SEMA3C: variants seen among roughly 807,000 people sequenced by gnomAD.
SEMA3C encodes semaphorin-3C.
SEMA3C carries 47 observed loss-of-function variants against 89.4 expected under a neutral mutation model. That is an observed-to-expected ratio of 0.53 (90% CI 0.42 to 0.67). The LOEUF is 0.67. Ranked by LOEUF, SEMA3C falls within the 30% of genes least tolerant of loss-of-function variation. The pLI, the probability that SEMA3C is intolerant of heterozygous loss-of-function variation, is 0.00. For missense variants in SEMA3C, 839 were observed against 929.1 expected (o/e 0.90, Z 1.26); for synonymous variants, 310 against 320.2 (o/e 0.97, Z 0.34).
intron 4 of SEMA3C, among the ~76,000 whole-genome samples, chr7:80,821,249 A>G (rs994656806): frequency 3.9e-5 from 6 of 152,220 alleles, no homozygotes; most frequent in Non-Finnish European, 4.4e-5. Flanking sequence ...GGTTTTTACC[A>G]TAACTCAGTC....
chr7:80,865,872 G>C (rs1350929391), intron 2 of SEMA3C, among the ~76,000 whole-genome samples: 1 of 152,050 alleles, frequency 6.6e-6, no homozygotes, highest in Non-Finnish European at 1.5e-5. Flanking sequence ...TTTCTTCAAT[G>C]ACCAGAATAT....
chr7:80,872,847 T>C (rs1449063175), intron 2 of SEMA3C, among the ~76,000 whole-genome samples: 1 of 147,612 alleles, frequency 6.8e-6, no homozygotes, highest in African/African-American at 2.5e-5. Context: ...ATATTGCTTC[T>C]GTGTTCAGTA....
At chr7:80,770,462 G>A (rs1230568546) in intron 12 of SEMA3C, among the ~76,000 whole-genome samples, 1 of 152,178 alleles carries the variant, frequency 6.6e-6, no homozygotes, top group African/African-American at 2.4e-5. Flanking sequence ...TCTATGATAT[G>A]GTTACAGCGA....
chr7:80,749,072 A>C (rs1448616442), intron 16 of SEMA3C, 44 bp from the exon 17 acceptor site: 1 of 1,550,268 alleles, frequency 6.5e-7, no homozygotes, highest in East Asian at 2.3e-5. Context: ...AAAGAACACA[A>C]CTGAATTTAG....
intron 2 of SEMA3C, among the ~76,000 whole-genome samples, chr7:80,864,750 T>C (rs1353193996): frequency 6.6e-6 from 1 of 152,210 alleles, no homozygotes. Context: ...TCCTGAGCTA[T>C]GAAATTCTCA....
intron 2 of SEMA3C, among the ~76,000 whole-genome samples, chr7:80,890,086 C>T (rs1402909144): frequency 1.3e-5 from 2 of 152,102 alleles, no homozygotes; most frequent in Non-Finnish European, 2.9e-5. Context: ...GATGTTGTGG[C>T]TAAAAGGTCT....
chr7:80,750,489 CACACACACACACAT>C (rs1787908590), intron 16 of SEMA3C, among the ~76,000 whole-genome samples: 2 of 144,012 alleles, frequency 1.4e-5, no homozygotes, highest in East Asian at 2.0e-4. Context: ...CACACACACA[CACACACACACACAT>C]ACACACACAC....
intron 4 of SEMA3C, among the ~76,000 whole-genome samples, chr7:80,820,188 G>C (rs1252197509): frequency 6.6e-6 from 1 of 151,362 alleles, no homozygotes; most frequent in Non-Finnish European, 1.5e-5. Context: ...CTCCCAAGTA[G>C]CTGGGATTAC....
chr7:80,868,435 T>C (rs967384430), intron 2 of SEMA3C, among the ~76,000 whole-genome samples: 3 of 151,940 alleles, frequency 2.0e-5, no homozygotes, highest in Non-Finnish European at 2.9e-5. Flanking sequence ...ACCTGACTAA[T>C]TTTTGTATTT....
chr7:80,783,867 C>G (rs576709125), intron 12 of SEMA3C, among the ~76,000 whole-genome samples: 2 of 152,116 alleles, frequency 1.3e-5, no homozygotes, highest in Non-Finnish European at 2.9e-5. Flanking sequence ...TCCAGTTAAA[C>G]GGAAGCTAAT....
intron 12 of SEMA3C, among the ~76,000 whole-genome samples, chr7:80,777,286 ATTT>A (rs964415489): frequency 6.6e-5 from 10 of 151,758 alleles, no homozygotes; most frequent in African/African-American, 2.4e-4. Flanking sequence ...CTAATAAATT[ATTT>A]TTTATTTGGG....
chr7:80,861,943 C>T (rs977030838), intron 2 of SEMA3C, among the ~76,000 whole-genome samples: 6 of 152,102 alleles, frequency 3.9e-5, no homozygotes, highest in South Asian at 4.1e-4. Context: ...GTACCTACCT[C>T]AATATAATAA....
intron 3 of SEMA3C, among the ~76,000 whole-genome samples, chr7:80,828,186 T>C (rs1789921479): frequency 6.6e-6 from 1 of 152,174 alleles, no homozygotes. Context: ...GAATGATAAA[T>C]ATAGGCCATA....
At chr7:80,761,686 T>G (rs1788186038) in intron 13 of SEMA3C, 29 bp from the exon 14 acceptor site, 1 of 1,219,992 alleles carries the variant, frequency 8.2e-7, no homozygotes, top group Admixed American at 2.6e-5. Context: ...ACATGTTAGT[T>G]GCTCAAATAT....
intron 2 of SEMA3C, among the ~76,000 whole-genome samples, chr7:80,857,882 T>C (rs1412251658): frequency 3.3e-5 from 5 of 152,298 alleles, no homozygotes; most frequent in African/African-American, 1.2e-4. Flanking sequence ...ATGTCATGCT[T>C]ATTAATGTTT....
chr7:80,824,465 A>C (rs1342499648), intron 4 of SEMA3C, among the ~76,000 whole-genome samples: 2 of 152,194 alleles, frequency 1.3e-5, no homozygotes, highest in African/African-American at 4.8e-5. Flanking sequence ...TAATTGAAGG[A>C]AAAGAGAATC....
At chr7:80,888,312 G>A (rs1370069725) in intron 2 of SEMA3C, among the ~76,000 whole-genome samples, 2 of 151,772 alleles carry the variant, frequency 1.3e-5, no homozygotes, top group Non-Finnish European at 2.9e-5. Flanking sequence ...TATTTGGGAG[G>A]CCGAGGCAGG....
rs375407792 is a variant in SEMA3C at position 80,789,499 on chromosome 7, C to T, written c.1161G>A (p.Met387Ile). 6 of 1,612,982 alleles carry T rather than the reference C, an allele frequency of 3.7e-6. No homozygotes were observed. The highest frequency in any genetic ancestry group is 5.1e-6 in the Non-Finnish European group (6 of 1,179,544). Residue 387 changes from methionine (M) to isoleucine (I), a missense_variant, in exon 12 of 18, where the codon ATG (methionine) becomes ATA (isoleucine). By Grantham distance (10) the Met-to-Ile change is conservative (BLOSUM62 1). Transcript: ENST00000265361. ...TCPGGAFTPNMRTTKEFPDDV... is the reference protein window; with the variant it reads ...TCPGGAFTPNIRTTKEFPDDV... ...CATCTGGGAACTCCTTGGTGGTTCG[C>T]ATATTGGGTGTAAATGCTCCTCCTG...
intron 2 of SEMA3C, among the ~76,000 whole-genome samples, chr7:80,862,178 A>G (rs1214437444): frequency 6.6e-6 from 1 of 152,132 alleles, no homozygotes; most frequent in Non-Finnish European, 1.5e-5. Context: ...TGATAGGACC[A>G]TTTACCTTGA....
Sources: allele counts gnomAD v4.1 joint callset (sites outside exome capture counted in the v4.1 genomes callset), GRCh38; gene constraint gnomAD v4.1.1; transcripts MANE v1.5; gene names NCBI Gene and HGNC (gene_info 2026-07-23, HGNC 2026-07-21).